The following CEP295 variants were observed in gnomAD, a reference collection of about 807,000 sequenced individuals.
CEP295 encodes centrosomal protein 295.
CEP295 carries 190 observed loss-of-function variants against 291.6 expected under a neutral mutation model. The observed-to-expected ratio is 0.65, with a 90% CI of 0.58 to 0.73. The LOEUF is 0.73. Among genes scored for constraint, CEP295 ranks in the 30% least tolerant of loss-of-function variants. The pLI, the probability that CEP295 is intolerant of heterozygous loss-of-function variation, is 0.00. For synonymous variants in CEP295, 993 were observed against 1,038.8 expected (o/e 0.96, Z 0.85); for missense variants, 2,863 against 2,949.4 (o/e 0.97, Z 0.68).
In CEP295 at chr11:93,721,308, T is replaced by C; in HGVS notation, c.5750-4T>C. The C allele has an allele frequency of 6.5e-7, 1 of 1,540,274 alleles. No individual in the cohort carries two copies. The highest frequency in any genetic ancestry group is 8.8e-7 in the Non-Finnish European group (1 of 1,136,050). ...CATCTTGAACTCCAAAATCCATTTTTCAGTTAAGCTGAAGGAATCTGTTGT... is the reference window on the plus strand; with the variant it reads ...CATCTTGAACTCCAAAATCCATTTTCCAGTTAAGCTGAAGGAATCTGTTGT... On this transcript the variant is annotated splice_region_variant and splice_polypyrimidine_tract_variant and intron_variant, in intron 18 of 29. Coordinates refer to ENST00000325212, the MANE Select transcript of CEP295 (RefSeq NM_033395.2).
At chr11:93,709,030 T>C (rs1952711581) in intron 18 of CEP295, among the ~76,000 whole-genome samples, 1 of 152,228 alleles carries the variant, frequency 6.6e-6, no homozygotes, top group Admixed American at 6.5e-5. Flanking sequence ...GAGCTCCTTA[T>C]ATATTCTAGT....
intron 23 of CEP295, 193 bp from the exon 24 acceptor site, chr11:93,726,783 T>C: frequency 2.2e-6 from 1 of 447,440 alleles, no homozygotes; most frequent in Non-Finnish European, 3.9e-6. Flanking sequence ...AAAGAAAAAA[T>C]ACTTGGTGTG....
At chr11:93,719,246 G>GGTT (rs796931504) in intron 18 of CEP295, among the ~76,000 whole-genome samples, 2 of 135,534 alleles carry the variant, frequency 1.5e-5, no homozygotes, top group East Asian at 4.2e-4. Flanking sequence ...TTTTTTCCGG[G>GGTT]TTTTTTTTTT....
In CEP295 at chr11:93,699,488, CAAG is replaced by C; in HGVS notation, c.4582_4584del (p.Glu1528del). 1 of 1,551,680 alleles carries C rather than the reference CAAG, an allele frequency of 6.4e-7. No homozygotes were observed. The highest frequency in any genetic ancestry group is 8.7e-7 in the Non-Finnish European group (1 of 1,146,974). On this transcript the variant is annotated inframe_deletion, in exon 15 of 30. Transcript: ENST00000325212. ...AGCCATTCGATCTATACAGGAAGTC[CAAG>C]AAGAATTGCTTTTGCAAAGATTAAG...
intron 18 of CEP295, among the ~76,000 whole-genome samples, chr11:93,715,894 C>T (rs537730017): frequency 6.6e-6 from 1 of 152,098 alleles, no homozygotes; most frequent in Admixed American, 6.5e-5. Context: ...CCCCTTCTCT[C>T]CGCAAGCAGA....
chr11:93,707,791 G>T (rs995847981), intron 18 of CEP295, among the ~76,000 whole-genome samples: 1 of 151,826 alleles, frequency 6.6e-6, no homozygotes, highest in African/African-American at 2.4e-5. Flanking sequence ...TTTATAGCCA[G>T]ATTTATTTTT....
At chr11:93,665,943 A>AT (rs1421984638) in intron 1 of CEP295, among the ~76,000 whole-genome samples, 1 of 152,246 alleles carries the variant, frequency 6.6e-6, no homozygotes, top group East Asian at 1.9e-4. Context: ...CTTGCTAGTT[A>AT]TGAACAAGTT....
At chr11:93,718,300 G>C (rs1337922412) in intron 18 of CEP295, among the ~76,000 whole-genome samples, 1 of 152,214 alleles carries the variant, frequency 6.6e-6, no homozygotes, top group Admixed American at 6.5e-5. Context: ...TTTTAAGATG[G>C]AGCCACTAAC....
intron 3 of CEP295, among the ~76,000 whole-genome samples, chr11:93,668,544 T>C (rs1268991268): frequency 6.6e-6 from 1 of 152,164 alleles, no homozygotes; most frequent in African/African-American, 2.4e-5. Flanking sequence ...TTTTACGTAC[T>C]TTAACCATGT....
rs149663993 is a variant in CEP295 at position 93,697,334 on chromosome 11, C to G, written c.2422C>G (p.Gln808Glu). 2.8e-4 allele frequency: 431 copies of G among 1,551,748 alleles called. 5 individuals are homozygous for G. The African/African-American group carries it at 5.6e-3, about 20-fold the overall frequency. ...TGTTAAAGTTGAGTCAGGAAAAATT[C>G]AAGAACCCTTTTCAGCCATGAGCAA... The part of the protein sequence containing the change: ...LPVKVESGKI[Q>E]EPFSAMSKST... Residue 808 changes from glutamine (Q) to glutamate (E), a missense_variant, in exon 15 of 30, where the codon CAA (glutamine) becomes GAA (glutamate). By Grantham distance (29) the Gln-to-Glu change is conservative (BLOSUM62 2). Coordinates refer to ENST00000325212, the MANE Select transcript of CEP295 (RefSeq NM_033395.2).
In CEP295 at chr11:93,699,841, C is replaced by T. The variant is rs1952042998; in HGVS notation, c.4929C>T (p.Pro1643=). The change falls in exon 15 of 30, where the codon CCC becomes CCT. Residue 1643 remains proline (P), a synonymous_variant. Transcript: ENST00000325212. ...GTGAATCTGCTGAGCATACTATCCC[C>T]TCTTTGTTTCTACCCAAGGAAACAG... ...NKSESAEHTI[P]SLFLPKETEH... is the part of the protein sequence containing the mutation. 6.4e-7 allele frequency: 1 copy of T among 1,552,242 alleles called. No homozygotes were observed. Among genetic ancestry groups the T allele is most frequent in the African/African-American group, 1.4e-5 (1 of 73,188 alleles).
At chr11:93,689,613 C>T (rs894692017) in intron 10 of CEP295, among the ~76,000 whole-genome samples, 1 of 152,274 alleles carries the variant, frequency 6.6e-6, no homozygotes, top group East Asian at 1.9e-4. Context: ...CCACCTCTAC[C>T]CCAACCTCCA....
In CEP295 at chr11:93,727,461, G is replaced by A; in HGVS notation, c.6985G>A (p.Glu2329Lys). The part of the protein sequence containing the change: ...TDSRLCVRTV[E>K]MGTSIQAPYS... Reference sequence around the variant, plus strand: ...CTCTCGATTATGTGTAAGAACAGTGGAGATGGGAACTTCAATTCAGGCACC... The same window carrying A: ...CTCTCGATTATGTGTAAGAACAGTGAAGATGGGAACTTCAATTCAGGCACC... Residue 2329 changes from glutamate to lysine, a missense_variant, in exon 24 of 30, where the codon GAG (glutamate) becomes AAG (lysine). Transcript: ENST00000325212. 6.4e-7 allele frequency: 1 copy of A among 1,552,002 alleles called. No homozygotes were observed.
chr11:93,711,006 T>G (rs1952857558), intron 18 of CEP295, among the ~76,000 whole-genome samples: 1 of 152,160 alleles, frequency 6.6e-6, no homozygotes, highest in Non-Finnish European at 1.5e-5. Flanking sequence ...TTGTAATTAG[T>G]CTGACTAAAG....
Position 93,699,918 on chromosome 11 carries a change from G to A in CEP295, c.5006G>A (p.Cys1669Tyr). The stretch of plus-strand genomic sequence containing the variant: ...GCAGAAGCTAAACCTAAAAGCACTT[G>A]TGAATTGTATTCATCCCAGAATGAA... ...PFAEAKPKST[C>Y]ELYSSQNEHA... is the part of the protein sequence containing the mutation. Residue 1669 changes from cysteine to tyrosine, a missense_variant, in exon 15 of 30, where the codon TGT (cysteine) becomes TAT (tyrosine). Cys to Tyr is a radical substitution (Grantham distance 194). Transcript: ENST00000325212. 1 of 1,551,782 alleles carries A rather than the reference G, an allele frequency of 6.4e-7. No homozygotes were observed. Among genetic ancestry groups the A allele is most frequent in the Non-Finnish European group, 8.7e-7 (1 of 1,147,010 alleles).
rs534858133 is a variant in CEP295, at chr11:93,697,158, G to C, written c.2246G>C (p.Arg749Thr). ...HDRQLISQDA[R>T]KISETFGATT... ...AGGCAGCTAATATCACAGGATGCTA[G>C]AAAAATATCTGAAACATTTGGGGCA... Residue 749 changes from arginine to threonine, a missense_variant, in exon 15 of 30, where the codon AGA (arginine) becomes ACA (threonine). Arg to Thr is a moderately conservative substitution (Grantham distance 71). Coordinates refer to ENST00000325212, the MANE Select transcript of CEP295 (RefSeq NM_033395.2). 1 of 1,551,876 alleles carries C rather than the reference G, an allele frequency of 6.4e-7. No individual in the cohort carries two copies. The highest frequency in any genetic ancestry group is 1.2e-5 in the South Asian group (1 of 84,060).
At chr11:93,672,936 C>T (rs926197249) in intron 5 of CEP295, among the ~76,000 whole-genome samples, 1 of 152,154 alleles carries the variant, frequency 6.6e-6, no homozygotes. Context: ...AGTACTGGTA[C>T]TTTAAAATGT....
chr11:93,671,326 TGTG>T (rs991204957), intron 5 of CEP295, among the ~76,000 whole-genome samples: 1 of 152,168 alleles, frequency 6.6e-6, no homozygotes, highest in Non-Finnish European at 1.5e-5. Context: ...ACTGTTAACT[TGTG>T]GGGGTTTTTT....
At position 93,687,670 on chromosome 11, in the gene CEP295, A is replaced by T. The variant is rs1260542537; in HGVS notation, c.1141A>T (p.Ile381Phe). 2.6e-6 allele frequency: 4 copies of T among 1,535,416 alleles called. No homozygotes were observed. Among genetic ancestry groups the T allele is most frequent in the Admixed American group, 2.0e-5 (1 of 50,576 alleles). The change falls in exon 10 of 30, where the codon ATT (isoleucine) becomes TTT (phenylalanine). Residue 381 changes from isoleucine (I) to phenylalanine (F), a missense_variant. Coordinates refer to ENST00000325212, the MANE Select transcript of CEP295 (RefSeq NM_033395.2). ...TCCCTTGGTAATGAAGACCCAACAG[A>T]TTCCTTCAAAAGTTCTTTTTAAAAA... The part of the protein sequence containing the change: ...DVPLVMKTQQ[I>F]PSKVLFKKLL...
Sources: allele counts gnomAD v4.1 joint callset (sites outside exome capture counted in the v4.1 genomes callset), GRCh38; gene constraint gnomAD v4.1.1; transcripts MANE v1.5; gene names NCBI Gene and HGNC (gene_info 2026-07-23, HGNC 2026-07-21).